Variants in PIK3C2B observed in about 807,000 individuals in gnomAD.
PIK3C2B encodes the protein phosphatidylinositol-4-phosphate 3-kinase catalytic subunit type 2 beta, also known as phosphatidylinositol 4-phosphate 3-kinase C2 domain-containing subunit beta.
Under a neutral mutation model 184.3 loss-of-function variants are expected in PIK3C2B, and 83 were observed. The ratio of observed to expected loss-of-function variants is 0.45; its 90% CI spans 0.38 to 0.54. PIK3C2B has a LOEUF of 0.54. Among genes scored for constraint, PIK3C2B ranks in the 20% least tolerant of loss-of-function variants. PIK3C2B has a pLI of 0.00. For missense variants in PIK3C2B, 1,736 were observed against 2,113.5 expected, an observed-to-expected ratio of 0.82 and a Z score of 3.50; for synonymous variants, 779 against 837.6, an observed-to-expected ratio of 0.93 and a Z score of 1.21.
chr1:204,449,011 AC>A lies in PIK3C2B; in HGVS notation c.2346+173del, dbSNP rs11310754. Among the ~76,000 whole-genome samples, 198 of 152,306 alleles carry A rather than the reference AC, an allele frequency of 1.3e-3. 1 individual carries two copies. The highest frequency in any genetic ancestry group is 4.4e-3 in the African/African-American group (181 of 41,574). ...ATGGGAGATGGATACCCCAGAGCTC[AC>A]CTCACAATCCACATCTAACCATATT... On this transcript the variant is annotated intron_variant, in intron 14 of 32. Coordinates refer to ENST00000684373, the MANE Select transcript of PIK3C2B (RefSeq NM_001377334.1).
intron 15 of PIK3C2B, among the ~76,000 whole-genome samples, chr1:204,446,789 G>A (rs141943775): frequency 1.3e-5 from 2 of 152,242 alleles, no homozygotes; most frequent in Non-Finnish European, 2.9e-5. Context: ...GTGGACATCA[G>A]GGACAGAGAT....
chr1:204,482,370 T>TG (rs1401083183), intron 1 of PIK3C2B, among the ~76,000 whole-genome samples: 1 of 152,202 alleles, frequency 6.6e-6, no homozygotes, highest in Non-Finnish European at 1.5e-5. Flanking sequence ...CCATTCTTCC[T>TG]GGTAGCAGGC....
At chr1:204,425,211 A>G (rs568653121) in intron 32 of PIK3C2B, among the ~76,000 whole-genome samples, 171 bp from the exon 33 acceptor site, 1 of 152,304 alleles carries the variant, frequency 6.6e-6, no homozygotes, top group East Asian at 1.9e-4. Flanking sequence ...CACAGACTCC[A>G]AGGGAAGCAT....
intron 1 of PIK3C2B, among the ~76,000 whole-genome samples, chr1:204,484,062 G>C (rs1657398561): frequency 6.6e-6 from 1 of 152,222 alleles, no homozygotes; most frequent in South Asian, 2.1e-4. Flanking sequence ...GTAGCAACGG[G>C]AGTGAGGGTG....
In PIK3C2B at chr1:204,433,369, G is replaced by T. The variant is rs371969624; in HGVS notation, c.3900C>A (p.Tyr1300Ter). 1.9e-6 allele frequency: 3 copies of T among 1,612,086 alleles called. No individual in the cohort carries two copies. In the African/African-American group the frequency reaches 4.0e-5, roughly 22 times the overall value. Residue 1300 changes from tyrosine (Y) to a stop codon, truncating the protein, a stop_gained, in exon 26 of 33, where the codon TAC (tyrosine) becomes TAA (stop). Transcript: ENST00000684373. LOFTEE classifies it high-confidence loss of function. This position sits in a 1 kb window ranked among gnomAD's most constrained non-coding sequence, Gnocchi z 5.0. ...CTGTATCCTGAGGCCTCAGGGCATC[G>T]TACACATACTTGAGGTCCTCCAGGT... Reference protein sequence around the residue: ...LSDLEDLKYVYDALRPQDTEA... With the variant: ...LSDLEDLKYV
chr1:204,463,645 A>G (rs1037716573), intron 5 of PIK3C2B, among the ~76,000 whole-genome samples: 15 of 152,172 alleles, frequency 9.9e-5, no homozygotes, highest in African/African-American at 3.6e-4. Context: ...CAGCCATAAA[A>G]ACACCACACA....
intron 12 of PIK3C2B, among the ~76,000 whole-genome samples, chr1:204,453,177 C>T (rs1173908287): frequency 6.6e-6 from 1 of 152,156 alleles, no homozygotes; most frequent in Non-Finnish European, 1.5e-5. Flanking sequence ...CAAATGAGGA[C>T]TCTAATATAG....
At chr1:204,438,632 C>A (rs61763427) in intron 23 of PIK3C2B, among the ~76,000 whole-genome samples, 2,629 of 152,284 alleles carry the variant, frequency 0.017, 62 homozygotes, top group East Asian at 0.13. Flanking sequence ...GGATCCACAA[C>A]TGGGAGGGAT....
chr1:204,429,688 T>C (rs1379651771), intron 29 of PIK3C2B, among the ~76,000 whole-genome samples: 1 of 150,290 alleles, frequency 6.7e-6, no homozygotes, highest in African/African-American at 2.5e-5. Context: ...TCTCAGCCCA[T>C]GTGCCTCGAT....
Position 204,423,783 on chromosome 1 carries a change from G to A in PIK3C2B, c.*1069C>T, listed in dbSNP as rs1055212852. On this transcript the variant is annotated 3_prime_UTR_variant, in exon 33 of 33. Transcript: ENST00000684373. ...AGCACAGCAGAAAGAAGTGGGGAGT[G>A]ATGGATGGGGAATGCTTTCCAGAGG... The A allele has an allele frequency of 1.3e-5, 2 of 152,674 alleles. No individual in the cohort carries two copies. The highest frequency in any genetic ancestry group is 1.9e-4 in the East Asian group (1 of 5,182). The allele number at this position is 152,674 out of a possible 1,614,324, so 9.5% of individuals were successfully genotyped here.
intron 28 of PIK3C2B, 55 bp downstream of exon 28, chr1:204,431,614 T>C: frequency 6.2e-7 from 1 of 1,608,584 alleles, no homozygotes; most frequent in South Asian, 1.1e-5. Context: ...TCCCATCCCG[T>C]ATCCTTTCCC....
intron 2 of PIK3C2B, chr1:204,466,943 C>A (rs769707286): frequency 3.8e-6 from 2 of 532,498 alleles, no homozygotes; most frequent in Non-Finnish European, 7.7e-6. Context: ...CCGACGAAAG[C>A]GGGGCGGTGG....
At chr1:204,454,544 G>T in intron 12 of PIK3C2B, 125 bp downstream of exon 12, 3 of 897,418 alleles carry the variant, frequency 3.3e-6, no homozygotes, top group Non-Finnish European at 5.0e-6. Flanking sequence ...GACTTGTCCA[G>T]TTAGGGTTAA....
In PIK3C2B at chr1:204,464,502, C is replaced by T; in HGVS notation, c.1137G>A (p.Lys379=). Residue 379 remains lysine (K), a synonymous_variant, in exon 4 of 33, where the codon AAG becomes AAA. Coordinates refer to ENST00000684373, the MANE Select transcript of PIK3C2B (RefSeq NM_001377334.1). ...PEHLGDEVNL[K]VTVLCDRLQE... ...GAAGCCTGTCACACAACACAGTCAC[C>T]TTCAGGTTGACCTCATCCCCGAGGT... The T allele has an allele frequency of 6.2e-7, 1 of 1,614,154 alleles. No individual in the cohort carries two copies. Among genetic ancestry groups the T allele is most frequent in the South Asian group, 1.1e-5 (1 of 91,072 alleles).
intron 1 of PIK3C2B, among the ~76,000 whole-genome samples, chr1:204,491,647 G>A (rs1224142814): frequency 1.3e-5 from 2 of 152,234 alleles, no homozygotes; most frequent in African/African-American, 4.8e-5. Context: ...AGGCAACAGG[G>A]AGAGACCCTG....
intron 8 of PIK3C2B, 72 bp downstream of exon 8, chr1:204,459,806 T>C (rs920888661): frequency 7.8e-7 from 1 of 1,280,328 alleles, no homozygotes; most frequent in African/African-American, 1.5e-5. Context: ...TGCTGGGTGA[T>C]CCCAGGAGGA....
Position 204,464,592 on chromosome 1 carries a change from G to C in PIK3C2B, c.1047C>G (p.Gly349=). 1 of 1,613,980 alleles carries C rather than the reference G, an allele frequency of 6.2e-7. No individual in the cohort carries two copies. The highest frequency in any genetic ancestry group is 8.5e-7 in the Non-Finnish European group (1 of 1,179,944). Residue 349 remains glycine (G), a synonymous_variant, in exon 4 of 33, where the codon GGC becomes GGG. Transcript: ENST00000684373. The part of the protein sequence containing the change: ...FCHMLDILRS[G]SDIQDYFLTG... The stretch of plus-strand genomic sequence containing the variant: ...TGAGGAAGTAGTCTTGGATGTCAGA[G>C]CCAGATCGAAGGCTGTACAGGAAGA...
intron 1 of PIK3C2B, among the ~76,000 whole-genome samples, chr1:204,493,303 C>G (rs1658131017): frequency 6.6e-6 from 1 of 152,084 alleles, no homozygotes. Flanking sequence ...CCCGGGTAGC[C>G]GCCTGCTAAA....
chr1:204,473,656 CT>C (rs201535807), intron 1 of PIK3C2B, among the ~76,000 whole-genome samples: 3,275 of 152,340 alleles, frequency 0.021, 120 homozygotes, highest in African/African-American at 0.072. Context: ...TTAGCAGGCA[CT>C]ATTGTGAGAA....
Sources: gnomAD v4.1 joint callset for allele counts (sites outside exome capture counted in the v4.1 genomes callset) on GRCh38, gnomAD v4.1.1 for gene constraint, Gnocchi (gnomAD v3.1) non-coding constraint, MANE v1.5 for transcripts, NCBI Gene and HGNC (gene_info 2026-07-23, HGNC 2026-07-21) for gene names.